ADGB: variants seen among roughly 807,000 people sequenced by gnomAD.
The protein encoded by ADGB is androglobin.
In ADGB, 172 loss-of-function variants were observed where a neutral mutation model predicts 210.5. The observed-to-expected ratio is 0.82, with a 90% CI of 0.72 to 0.93. ADGB has a LOEUF of 0.93. Ranked by LOEUF, ADGB falls within the 40% of genes least tolerant of loss-of-function variation. The pLI, the probability that ADGB is intolerant of heterozygous loss-of-function variation, is 0.00. For missense variants in ADGB, 2,025 were observed against 1,964.8 expected (o/e 1.03, Z -0.58); for synonymous variants, 658 against 662.7 (o/e 0.99, Z 0.11).
chr6:146,802,948 A>G, intron 35 of ADGB: 2 of 1,610,250 alleles, frequency 1.2e-6, no homozygotes, highest in South Asian at 1.1e-5. Flanking sequence ...GTTTTGGATG[A>G]TAGTTCTGAC....
intron 5 of ADGB, among the ~76,000 whole-genome samples, chr6:146,658,998 C>G (rs1189373196): frequency 6.6e-6 from 1 of 152,182 alleles, no homozygotes; most frequent in East Asian, 1.9e-4. Flanking sequence ...TCTGTTCTCT[C>G]TAGGCTTAGG....
rs1778151941 is a variant in ADGB, at chr6:146,802,716, T to C, written c.4818+705T>C. On this transcript the variant is annotated intron_variant, in intron 35 of 35. Coordinates refer to ENST00000397944, the MANE Select transcript of ADGB (RefSeq NM_024694.4). ...TGATTTCTTCCACAGTTCACAGTTC[T>C]CAGACGAGACTTTTTTTGTAAATTA... 2.2e-6 allele frequency: 3 copies of C among 1,355,260 alleles called. No individual in the cohort carries two copies. In the Admixed American group the frequency reaches 6.6e-5, roughly 30 times the overall value. 84.0% of individuals were successfully genotyped at this position (1,355,260 alleles called of 1,614,324 possible). A position where few individuals can be genotyped will look rare whatever the true frequency, so the allele number is the denominator to read the frequency against.
At chr6:146,807,503 T>G in intron 35 of ADGB, 1 of 1,551,264 alleles carries the variant, frequency 6.4e-7, no homozygotes, top group South Asian at 1.2e-5. Flanking sequence ...CTCTCTCTGC[T>G]CAGGAAGCCG....
chr6:146,676,295 G>A lies in ADGB; in HGVS notation c.1088-18G>A. 6.5e-7 allele frequency: 1 copy of A among 1,530,720 alleles called. No individual in the cohort carries two copies. The highest frequency in any genetic ancestry group is 1.2e-5 in the South Asian group (1 of 80,490). The allele number at this position is 1,530,720 out of a possible 1,614,324, so 94.8% of individuals were successfully genotyped here. ...ATTGTCTAGTTAAAATATTTATTGT[G>A]ATTTTTTCATATGTTAGAGAAAGCA... On this transcript the variant is annotated intron_variant, in intron 8 of 35. Coordinates refer to ENST00000397944, the MANE Select transcript of ADGB (RefSeq NM_024694.4).
intron 33 of ADGB, 26 bp downstream of exon 33, chr6:146,788,636 T>A (rs367665295): frequency 6.5e-7 from 1 of 1,530,426 alleles, no homozygotes; most frequent in Non-Finnish European, 8.9e-7. Flanking sequence ...ATTGGTAACA[T>A]AAACATGTAT....
At chr6:146,723,506 C>T (rs1361295901) in intron 17 of ADGB, among the ~76,000 whole-genome samples, 1 of 152,032 alleles carries the variant, frequency 6.6e-6, no homozygotes, top group Non-Finnish European at 1.5e-5. Flanking sequence ...GAGGTTGAGG[C>T]GGGCAGATCA....
chr6:146,814,075 A>G (rs561790955), intron 35 of ADGB, among the ~76,000 whole-genome samples: 11 of 152,238 alleles, frequency 7.2e-5, no homozygotes, highest in African/African-American at 2.4e-4. Context: ...CTACTTGTGC[A>G]ATTGGTTTAG....
At chr6:146,625,449 T>TAGAG (rs1780958788) in intron 1 of ADGB, among the ~76,000 whole-genome samples, 1 of 152,094 alleles carries the variant, frequency 6.6e-6, no homozygotes, top group African/African-American at 2.4e-5. Context: ...GTAGATTTCC[T>TAGAG]AGAGATAACA....
chr6:146,798,015 A>G (rs1778071932), intron 33 of ADGB, among the ~76,000 whole-genome samples: 1 of 152,078 alleles, frequency 6.6e-6, no homozygotes, highest in Non-Finnish European at 1.5e-5. Flanking sequence ...GCCTAAAGAA[A>G]GAAGGAATAA....
chr6:146,636,077 A>G (rs550109704), intron 2 of ADGB, among the ~76,000 whole-genome samples: 6 of 152,040 alleles, frequency 3.9e-5, no homozygotes, highest in Non-Finnish European at 8.8e-5. Flanking sequence ...AAAATGTAGA[A>G]TTTCTGCATT....
intron 13 of ADGB, among the ~76,000 whole-genome samples, chr6:146,709,868 C>G (rs1776634677): frequency 6.6e-6 from 1 of 152,128 alleles, no homozygotes; most frequent in African/African-American, 2.4e-5. Flanking sequence ...GTGCTACATT[C>G]AGTTGCTATA....
chr6:146,728,204 T>C (rs1040690707), intron 19 of ADGB, among the ~76,000 whole-genome samples: 11 of 152,192 alleles, frequency 7.2e-5, no homozygotes, highest in African/African-American at 2.7e-4. Flanking sequence ...GGTCACCCTC[T>C]TGTCTTTATC....
At position 146,728,555 on chromosome 6, in the gene ADGB, C is replaced by A. The variant is rs1440168015; in HGVS notation, c.2353-19C>A. The A allele has an allele frequency of 1.9e-6, 3 of 1,547,502 alleles. No homozygotes were observed. Among genetic ancestry groups the A allele is most frequent in the Non-Finnish European group, 2.6e-6 (3 of 1,143,964 alleles). On this transcript the variant is annotated intron_variant, in intron 19 of 35. Coordinates refer to ENST00000397944, the MANE Select transcript of ADGB (RefSeq NM_024694.4). Reference sequence around the variant, plus strand: ...ACTTAAGGATGAGTGAGGATGGCTGCCATGCTTTGTCTTCACAGGAGAGCT... The same window carrying A: ...ACTTAAGGATGAGTGAGGATGGCTGACATGCTTTGTCTTCACAGGAGAGCT...
intron 17 of ADGB, 127 bp from the exon 18 acceptor site, chr6:146,724,038 ATTTCTAATGTTTTATGAACAT>A: frequency 1.5e-6 from 1 of 662,290 alleles, no homozygotes; most frequent in Non-Finnish European, 2.3e-6. Context: ...ACCTGGAGTA[ATTTCTAATGTTTTATGAACAT>A]TTTAGTAATA....
At chr6:146,752,349 A>G (rs1200764644) in intron 26 of ADGB, among the ~76,000 whole-genome samples, 181 bp from the exon 27 acceptor site, 2 of 152,028 alleles carry the variant, frequency 1.3e-5, no homozygotes, top group African/African-American at 4.8e-5. Flanking sequence ...ATGGTGCTAA[A>G]CTATTCGTGA....
At chr6:146,799,058 C>CA (rs71552962) in intron 33 of ADGB, among the ~76,000 whole-genome samples, 31,043 of 63,584 alleles carry the variant, frequency 0.49, 7,492 homozygotes, top group East Asian at 0.59. Context: ...TATGGAAATG[C>CA]AAAAAAAAAA....
At chr6:146,658,404 T>C (rs1775812828) in intron 5 of ADGB, among the ~76,000 whole-genome samples, 1 of 152,008 alleles carries the variant, frequency 6.6e-6, no homozygotes, top group Admixed American at 6.6e-5. Flanking sequence ...ACCTAGTGGA[T>C]AGTGTTGAGG....
intron 1 of ADGB, among the ~76,000 whole-genome samples, chr6:146,608,178 G>A (rs1780657425): frequency 6.6e-6 from 1 of 151,490 alleles, no homozygotes; most frequent in Non-Finnish European, 1.5e-5. Context: ...TTTTTAGTTT[G>A]TTTGCATAGA....
intron 8 of ADGB, among the ~76,000 whole-genome samples, chr6:146,674,248 GTGAGAA>G (rs1776054664): frequency 6.6e-6 from 1 of 152,140 alleles, no homozygotes; most frequent in Non-Finnish European, 1.5e-5. Flanking sequence ...AAACAACCCT[GTGAGAA>G]GCTTGTCCTT....
Sources: gnomAD v4.1 joint callset for allele counts (sites outside exome capture counted in the v4.1 genomes callset) on GRCh38, gnomAD v4.1.1 for gene constraint, MANE v1.5 for transcripts, NCBI Gene and HGNC (gene_info 2026-07-23, HGNC 2026-07-21) for gene names.